The following KLF6 variants were observed in gnomAD, a reference collection of about 807,000 sequenced individuals.
The protein encoded by KLF6 is KLF transcription factor 6, also known as Krueppel-like factor 6.
For missense variants in KLF6, 233 were observed against 359.8 expected, an observed-to-expected ratio of 0.65 and a Z score of 2.85; for synonymous variants, 152 against 147.9, an observed-to-expected ratio of 1.03 and a Z score of -0.20.
rs1487523829 is a variant in KLF6 at position 3,779,535 on chromosome 10, T to C, written c.*4A>G. ...TAGCCTACAGGATCCACCTCTCTGC[T>C]CCCTCAGAGGTGCCTCTTCATGTGC... On this transcript the variant is annotated 3_prime_UTR_variant, in exon 4 of 4. Transcript: ENST00000497571. The C allele has an allele frequency of 6.2e-6, 10 of 1,612,782 alleles. No homozygotes were observed. The highest frequency in any genetic ancestry group is 8.5e-6 in the Non-Finnish European group (10 of 1,178,880).
chr10:3,784,927 C>T lies in KLF6; in HGVS notation c.88G>A (p.Glu30Lys), dbSNP rs752443335. Reference protein sequence around the residue: ...GYFSALPSLEEYWQQTCLELE... With the variant: ...GYFSALPSLEKYWQQTCLELE... ...GCTGCGTTTACCTGTTGCCAGTACT[C>T]CTCCAGAGACGGCAGCGCCGAGAAG... Residue 30 changes from glutamate (E) to lysine (K), a missense_variant, in exon 1 of 4, where the codon GAG becomes AAG. By Grantham distance (56) the Glu-to-Lys change is moderately conservative (BLOSUM62 1). Transcript: ENST00000497571. 1 of 1,606,146 alleles carries T rather than the reference C, an allele frequency of 6.2e-7. No individual in the cohort carries two copies.
rs1300008837 is a variant in KLF6 at position 3,785,108 on chromosome 10, G to C, written c.-94C>G. 6 of 1,579,616 alleles carry C rather than the reference G, an allele frequency of 3.8e-6. No homozygotes were observed. The highest frequency in any genetic ancestry group is 5.2e-6 in the Non-Finnish European group (6 of 1,164,198). ...AAGTCTCCCCGGAGCGCAGGTGAAAGTTTCATGCAAACTCCAGGCTCGCAG... is the reference window on the plus strand; with the variant it reads ...AAGTCTCCCCGGAGCGCAGGTGAAACTTTCATGCAAACTCCAGGCTCGCAG... On this transcript the variant is annotated 5_prime_UTR_variant, in exon 1 of 4. Transcript: ENST00000497571.
rs1329569583 is a variant in KLF6, at chr10:3,781,465, A to C, written c.676+176T>G. ...TATCCAACTCAAAAGTCCAGTCTTT[A>C]GGATTCTACTCTGAACTCCAAAAAG... On this transcript the variant is annotated intron_variant, in intron 2 of 3. Transcript: ENST00000497571. The surrounding 1 kb of genome is among the most constrained non-coding windows in gnomAD (Gnocchi z 5.8). 6.5e-7 allele frequency: 1 copy of C among 1,544,130 alleles called. No homozygotes were observed. The highest frequency in any genetic ancestry group is 8.7e-7 in the Non-Finnish European group (1 of 1,144,652).
In KLF6 at chr10:3,779,396, A is replaced by C. The variant is rs1832472060; in HGVS notation, c.*143T>G. 1.3e-6 allele frequency: 1 copy of C among 751,834 alleles called. No individual in the cohort carries two copies. The highest frequency in any genetic ancestry group is 2.4e-6 in the Non-Finnish European group (1 of 421,918). The allele number at this position is 751,834 out of a possible 1,614,324, so 46.6% of individuals were successfully genotyped here. On this transcript the variant is annotated 3_prime_UTR_variant, in exon 4 of 4. Coordinates refer to ENST00000497571, the MANE Select transcript of KLF6 (RefSeq NM_001300.6). ...TTCTTACAGGACCTTTTTAGCCCTC[A>C]AAAGACCTTCCAAGGAGAGGCCCTG...
rs1832484619 is a variant in KLF6, at chr10:3,780,007, A to ATCCTTCCTTCGAATG, written c.800+98_800+99insCATTCGAAGGAAGGA. The ATCCTTCCTTCGAATG allele has an allele frequency of 5.5e-6, 8 of 1,449,624 alleles. No individual in the cohort carries two copies. The highest frequency in any genetic ancestry group is 7.7e-6 in the Non-Finnish European group (8 of 1,037,588). The allele number at this position is 1,449,624 out of a possible 1,614,324, so 89.8% of individuals were successfully genotyped here. A position where few individuals can be genotyped will look rare whatever the true frequency, so the allele number is the denominator to read the frequency against. On this transcript the variant is annotated intron_variant, in intron 3 of 3. Transcript: ENST00000497571. The surrounding 1 kb of genome is among the most constrained non-coding windows in gnomAD (Gnocchi z 4.6). ...GAAATGTTCACACATAGGAAACTGCATGCCTTCCTTCGAATGTGCCCTGCA... is the reference window on the plus strand; with the variant it reads ...GAAATGTTCACACATAGGAAACTGCATCCTTCCTTCGAATGTGCCTTCCTTCGAATGTGCCCTGCA...
rs2131096131 is a variant in KLF6, at chr10:3,780,377, A to G, written c.677-148T>C. 1 of 914,056 alleles carries G rather than the reference A, an allele frequency of 1.1e-6. No individual in the cohort carries two copies. Among genetic ancestry groups the G allele is most frequent in the East Asian group, 2.4e-5 (1 of 41,156 alleles). 56.6% of individuals were successfully genotyped at this position (914,056 alleles called of 1,614,324 possible). ...GTAACACACAACAACTGGCAGCCTCAGAGAGACAACAGCAGCTCTCTCCTG... is the reference window on the plus strand; with the variant it reads ...GTAACACACAACAACTGGCAGCCTCGGAGAGACAACAGCAGCTCTCTCCTG... On this transcript the variant is annotated intron_variant, in intron 2 of 3. Coordinates refer to ENST00000497571, the MANE Select transcript of KLF6 (RefSeq NM_001300.6). The surrounding 1 kb of genome is among the most constrained non-coding windows in gnomAD (Gnocchi z 4.6).
In KLF6 at chr10:3,780,040, T is replaced by C; in HGVS notation, c.800+66A>G. The C allele has an allele frequency of 6.2e-7, 1 of 1,602,556 alleles. No individual in the cohort carries two copies. The highest frequency in any genetic ancestry group is 8.5e-7 in the Non-Finnish European group (1 of 1,171,078). ...CTTCGAATGTGCCCTGCACACCTAC[T>C]CAACCCTGGTCATCACATTCCCAAG... is the stretch of plus-strand genomic sequence containing the variant. On this transcript the variant is annotated intron_variant, in intron 3 of 3. Coordinates refer to ENST00000497571, the MANE Select transcript of KLF6 (RefSeq NM_001300.6). The surrounding 1 kb of genome is among the most constrained non-coding windows in gnomAD (Gnocchi z 4.6).
rs1588340748 is a variant in KLF6, at chr10:3,778,564, A to T, written c.*975T>A. 1.9e-6 allele frequency: 1 copy of T among 520,512 alleles called. No individual in the cohort carries two copies. Among genetic ancestry groups the T allele is most frequent in the East Asian group, 4.1e-5 (1 of 24,112 alleles). The allele number at this position is 520,512 out of a possible 1,614,324, so 32.2% of individuals were successfully genotyped here. A position where few individuals can be genotyped will look rare whatever the true frequency, so the allele number is the denominator to read the frequency against. On this transcript the variant is annotated 3_prime_UTR_variant, in exon 4 of 4. Transcript: ENST00000497571. ...AGTTAATTCAAATTCAGAATCATTT[A>T]AAAATAATCCTGTGTTGCACAATGC... is the stretch of plus-strand genomic sequence containing the variant.
Position 3,777,154 on chromosome 10 carries a change from G to A in KLF6, c.*2385C>T, listed in dbSNP as rs767815084. 12 of 512,646 alleles carry A rather than the reference G, an allele frequency of 2.3e-5. No individual in the cohort carries two copies. The highest frequency in any genetic ancestry group is 5.7e-5 in the African/African-American group (3 of 52,498). The allele number at this position is 512,646 out of a possible 1,614,324, so 31.8% of individuals were successfully genotyped here. A position where few individuals can be genotyped will look rare whatever the true frequency, so the allele number is the denominator to read the frequency against. ...TAAAAAAAAAACCAGTTATGTGAGC[G>A]TTAGTCACTGCTCATTTCCAGGAAG... On this transcript the variant is annotated 3_prime_UTR_variant, in exon 4 of 4. Transcript: ENST00000497571.
chr10:3,779,150 A>G lies in KLF6; in HGVS notation c.*389T>C. The G allele has an allele frequency of 1.8e-6, 1 of 542,708 alleles. No homozygotes were observed. The highest frequency in any genetic ancestry group is 1.8e-5 in the African/African-American group (1 of 54,228). 33.6% of individuals were successfully genotyped at this position (542,708 alleles called of 1,614,324 possible). A position where few individuals can be genotyped will look rare whatever the true frequency, so the allele number is the denominator to read the frequency against. On this transcript the variant is annotated 3_prime_UTR_variant, in exon 4 of 4. Coordinates refer to ENST00000497571, the MANE Select transcript of KLF6 (RefSeq NM_001300.6). ...TATACTCCTTACACACAAAACATTC[A>G]AACTACTTTTTTTCCATCTCTTGCA...
rs571919202 is a variant in KLF6, at chr10:3,777,303, G to C, written c.*2236C>G. The C allele has an allele frequency of 1.9e-6, 1 of 514,026 alleles. No individual in the cohort carries two copies. The highest frequency in any genetic ancestry group is 5.5e-4 in the Middle Eastern group (1 of 1,822). The allele number at this position is 514,026 out of a possible 1,614,324, so 31.8% of individuals were successfully genotyped here. A position where few individuals can be genotyped will look rare whatever the true frequency, so the allele number is the denominator to read the frequency against. On this transcript the variant is annotated 3_prime_UTR_variant, in exon 4 of 4. Coordinates refer to ENST00000497571, the MANE Select transcript of KLF6 (RefSeq NM_001300.6). ...TGTCCACGCCGTGGTATGCCAATTC[G>C]GGGAAATTACTCCTTGGAAAAACTG...
rs751447917 is a variant in KLF6, at chr10:3,784,943, C to A, written c.72G>T (p.Ala24=). 12 of 1,604,824 alleles carry A rather than the reference C, an allele frequency of 7.5e-6. No individual in the cohort carries two copies. Among genetic ancestry groups the A allele is most frequent in the Non-Finnish European group, 1.0e-5 (12 of 1,174,424 alleles). ...QIVHETGYFS[A]LPSLEEYWQQ... ...GCCAGTACTCCTCCAGAGACGGCAG[C>A]GCCGAGAAGTAGCCGGTCTCGTGCA... The change falls in exon 1 of 4, where the codon GCG becomes GCT. Residue 24 remains alanine (A), a synonymous_variant. Transcript: ENST00000497571.
rs781390785 is a variant in KLF6, at chr10:3,781,598, C to G, written c.676+43G>C. ...CTCCAGGGCTGGTGCAATGCAGTGG[C>G]GCCCACCAGCGGCCGCCCTCCGGGG... On this transcript the variant is annotated intron_variant, in intron 2 of 3. Coordinates refer to ENST00000497571, the MANE Select transcript of KLF6 (RefSeq NM_001300.6). The surrounding 1 kb of genome is among the most constrained non-coding windows in gnomAD (Gnocchi z 5.8). The G allele has an allele frequency of 6.2e-7, 1 of 1,603,146 alleles. No individual in the cohort carries two copies. Among genetic ancestry groups the G allele is most frequent in the Non-Finnish European group, 8.5e-7 (1 of 1,175,054 alleles).
chr10:3,776,919 GTTTTTTTTTTTCC>G lies in KLF6; in HGVS notation c.*2607_*2619del, dbSNP rs752773994. The G allele has an allele frequency of 3.1e-4, 134 of 432,562 alleles. No individual in the cohort carries two copies. Among genetic ancestry groups the G allele is most frequent in the Non-Finnish European group, 5.4e-4 (122 of 224,202 alleles). 26.8% of individuals were successfully genotyped at this position (432,562 alleles called of 1,614,324 possible). A position where few individuals can be genotyped will look rare whatever the true frequency, so the allele number is the denominator to read the frequency against. ...TCGTAAGTGAGACAAGCCAGTGCAA[GTTTTTTTTTTTCC>G]TTTTTTTTTTTTTGTCTTTTGCTTA... On this transcript the variant is annotated 3_prime_UTR_variant, in exon 4 of 4. Transcript: ENST00000497571.
Position 3,778,743 on chromosome 10 carries a change from G to A in KLF6, c.*796C>T. ...GCAGTCCTGACTTAAAAATGGAAAA[G>A]CATATAGTTCCCCAGACCATGCATG... On this transcript the variant is annotated 3_prime_UTR_variant, in exon 4 of 4. Coordinates refer to ENST00000497571, the MANE Select transcript of KLF6 (RefSeq NM_001300.6). 3.8e-6 allele frequency: 2 copies of A among 529,940 alleles called. No individual in the cohort carries two copies. The highest frequency in any genetic ancestry group is 7.3e-6 in the Non-Finnish European group (2 of 273,600). 32.8% of individuals were successfully genotyped at this position (529,940 alleles called of 1,614,324 possible).
chr10:3,781,928 A>G lies in KLF6; in HGVS notation c.389T>C (p.Ile130Thr), dbSNP rs371389756. ...TCCCGAGCTGACCAAAACTTCGCCAATGGGGTCGGAGGTAAACTTGGCCGT... is the reference window on the plus strand; with the variant it reads ...TCCCGAGCTGACCAAAACTTCGCCAGTGGGGTCGGAGGTAAACTTGGCCGT... ...SPTAKFTSDP[I>T]GEVLVSSGKL... The change falls in exon 2 of 4, where the codon ATT (isoleucine) becomes ACT (threonine). Residue 130 changes from isoleucine (I) to threonine (T), a missense_variant. Coordinates refer to ENST00000497571, the MANE Select transcript of KLF6 (RefSeq NM_001300.6). The surrounding 1 kb of genome is among the most constrained non-coding windows in gnomAD (Gnocchi z 5.8). 26 of 1,614,098 alleles carry G rather than the reference A, an allele frequency of 1.6e-5. No individual in the cohort carries two copies. Among genetic ancestry groups the G allele is most frequent in the East Asian group, 6.7e-5 (3 of 44,904 alleles).
rs1310184208 is a variant in KLF6 at position 3,778,632 on chromosome 10, A to G, written c.*907T>C. ...GTTACAAACTTGGAGGGGAAAAAAA[A>G]TTGTATATTGCCAGGCCCGGATGGC... On this transcript the variant is annotated 3_prime_UTR_variant, in exon 4 of 4. Transcript: ENST00000497571. 1 of 514,404 alleles carries G rather than the reference A, an allele frequency of 1.9e-6. No homozygotes were observed. The highest frequency in any genetic ancestry group is 2.3e-5 in the Admixed American group (1 of 43,306). 31.9% of individuals were successfully genotyped at this position (514,404 alleles called of 1,614,324 possible). A position where few individuals can be genotyped will look rare whatever the true frequency, so the allele number is the denominator to read the frequency against.
In KLF6 at chr10:3,776,570, TTA is replaced by T. The variant is rs1196521398; in HGVS notation, c.*2967_*2968del. 6 of 524,372 alleles carry T rather than the reference TTA, an allele frequency of 1.1e-5. No individual in the cohort carries two copies. Among genetic ancestry groups the T allele is most frequent in the African/African-American group, 5.6e-5 (3 of 53,312 alleles). The allele number at this position is 524,372 out of a possible 1,614,324, so 32.5% of individuals were successfully genotyped here. A position where few individuals can be genotyped will look rare whatever the true frequency, so the allele number is the denominator to read the frequency against. ...ACTCAAGATGCTGATAAGAATTCTT[TTA>T]TGTTATTCCAATAAAAAATACATTC... On this transcript the variant is annotated 3_prime_UTR_variant, in exon 4 of 4. Transcript: ENST00000497571.
In KLF6 at chr10:3,776,708, A is replaced by C. The variant is rs1018036969; in HGVS notation, c.*2831T>G. ...TTAGATAACAGGGTGCTTCCAAAAA[A>C]AAAAAAAAAAGAAATTTCACTAATA... is the stretch of plus-strand genomic sequence containing the variant. On this transcript the variant is annotated 3_prime_UTR_variant, in exon 4 of 4. Transcript: ENST00000497571. 3 of 480,354 alleles carry C rather than the reference A, an allele frequency of 6.2e-6. No homozygotes were observed. Among genetic ancestry groups the C allele is most frequent in the African/African-American group, 6.0e-5 (3 of 50,190 alleles). The allele number at this position is 480,354 out of a possible 1,614,324, so 29.8% of individuals were successfully genotyped here. A position where few individuals can be genotyped will look rare whatever the true frequency, so the allele number is the denominator to read the frequency against.
Sources: gnomAD v4.1 joint callset for allele counts on GRCh38, gnomAD v4.1.1 for gene constraint, Gnocchi (gnomAD v3.1) non-coding constraint, MANE v1.5 for transcripts, NCBI Gene and HGNC (gene_info 2026-07-23, HGNC 2026-07-21) for gene names.